Variants in ANKRD17 observed in about 807,000 individuals in gnomAD.
ANKRD17 encodes ankyrin repeat domain-containing protein 17.
A neutral mutation model predicts 229.7 loss-of-function variants in ANKRD17; 19 were observed. That is an observed-to-expected ratio of 0.08 (90% CI 0.06 to 0.12). The LOEUF is 0.12. Ranked by LOEUF, ANKRD17 falls within the 10% of genes least tolerant of loss-of-function variation. The pLI, the probability that ANKRD17 is intolerant of heterozygous loss-of-function variation, is 1.00. For synonymous variants in ANKRD17, 1,112 were observed against 1,146.1 expected (o/e 0.97, Z 0.60); for missense variants, 2,176 against 3,176.8 (o/e 0.68, Z 7.57).
intron 1 of ANKRD17, among the ~76,000 whole-genome samples, chr4:73,237,811 C>G (rs747755135): frequency 1.3e-5 from 2 of 152,096 alleles, no homozygotes; most frequent in Non-Finnish European, 1.5e-5. Flanking sequence ...TCTTTATTAA[C>G]AGTATGATAA....
Position 73,090,727 on chromosome 4 carries a change from C to T in ANKRD17, c.6901G>A (p.Asp2301Asn), listed in dbSNP as rs757265063. Residue 2301 changes from aspartate (D) to asparagine (N), a missense_variant, in exon 29 of 34, where the codon GAT becomes AAT. Asp to Asn is a conservative substitution (Grantham distance 23). This residue lies in a region of ANKRD17 where 424 missense variants were observed against 454.0 expected (regional missense o/e 0.93). Coordinates refer to ENST00000358602, the MANE Select transcript of ANKRD17 (RefSeq NM_032217.5). The stretch of plus-strand genomic sequence containing the variant: ...CTAAAACCTGGAGCTTTGGAAGTAT[C>T]AGACTGATGTAAAGGATCTGAATTT... ...LPNSDPLHQSDTSKAPGFRPP... is the reference protein window; with the variant it reads ...LPNSDPLHQSNTSKAPGFRPP... 1 of 1,614,156 alleles carries T rather than the reference C, an allele frequency of 6.2e-7. No individual in the cohort carries two copies. Among genetic ancestry groups the T allele is most frequent in the Non-Finnish European group, 8.5e-7 (1 of 1,180,030 alleles).
At chr4:73,154,183 A>G (rs966970504) in intron 5 of ANKRD17, 70 bp from the exon 6 acceptor site, 15 of 1,049,976 alleles carry the variant, frequency 1.4e-5, no homozygotes, top group Non-Finnish European at 2.0e-5. Flanking sequence ...GCTAATTTAC[A>G]TTAAGAAAAT....
chr4:73,258,585 G>T lies in ANKRD17; in HGVS notation c.84C>A (p.Gly28=). 1 of 1,461,626 alleles carries T rather than the reference G, an allele frequency of 6.8e-7. No homozygotes were observed. The highest frequency in any genetic ancestry group is 8.9e-7 in the Non-Finnish European group (1 of 1,118,150). The allele number at this position is 1,461,626 out of a possible 1,614,324, so 90.5% of individuals were successfully genotyped here. A position where few individuals can be genotyped will look rare whatever the true frequency, so the allele number is the denominator to read the frequency against. Reference sequence around the variant, plus strand: ...CGCCGACCTCCGCCGCCGCGGGGGGGCCCGCCACAGCCGCCACCGCCGGGG... The same window carrying T: ...CGCCGACCTCCGCCGCCGCGGGGGGTCCCGCCACAGCCGCCACCGCCGGGG... ...GSPPAVAAVA[G]PPAAAEVGGG... The change falls in exon 1 of 34, where the codon GGC becomes GGA. Residue 28 remains glycine, a synonymous_variant. Coordinates refer to ENST00000358602, the MANE Select transcript of ANKRD17 (RefSeq NM_032217.5).
Position 73,142,262 on chromosome 4 carries a change from G to C in ANKRD17, c.2209C>G (p.Pro737Ala), listed in dbSNP as rs772699915. 5.2e-6 allele frequency: 8 copies of C among 1,550,724 alleles called. No individual in the cohort carries two copies. Among genetic ancestry groups the C allele is most frequent in the Non-Finnish European group, 6.9e-6 (8 of 1,160,680 alleles). Residue 737 changes from proline (P) to alanine (A), a missense_variant, in exon 13 of 34, where the codon CCA (proline) becomes GCA (alanine). By Grantham distance (27) the Pro-to-Ala change is conservative (BLOSUM62 -1). Coordinates refer to ENST00000358602, the MANE Select transcript of ANKRD17 (RefSeq NM_032217.5). ...PPPDVTQLTP[P>A]SHDLNRAPRV... The stretch of plus-strand genomic sequence containing the variant: ...CTTACCCTATTTAAATCGTGGGATG[G>C]GGGAGTTAACTGAGTGACATCTGGT...
At chr4:73,258,164 C>A in intron 1 of ANKRD17, 112 bp downstream of exon 1, 1 of 1,546,414 alleles carries the variant, frequency 6.5e-7, no homozygotes, top group South Asian at 1.2e-5. Context: ...GAAAGCCTGG[C>A]CCCTAAGAGA....
Position 73,121,067 on chromosome 4 carries a change from A to G in ANKRD17, c.3663T>C (p.Pro1221=), listed in dbSNP as rs772433721. The change falls in exon 20 of 34, where the codon CCT becomes CCC. Residue 1221 remains proline (P), a synonymous_variant. Transcript: ENST00000358602. The part of the protein sequence containing the change: ...SRTGSKLGIS[P]LMLAAMNGHT... ...GCCCATTCATAGCTGCTAACATCAG[A>G]GGAGAGATGCCCAATTTGCTACCAG... The G allele has an allele frequency of 6.2e-7, 1 of 1,613,890 alleles. No homozygotes were observed.
At chr4:73,250,524 C>T (rs1453006013) in intron 1 of ANKRD17, among the ~76,000 whole-genome samples, 2 of 124,296 alleles carry the variant, frequency 1.6e-5, no homozygotes, top group South Asian at 2.7e-4. Flanking sequence ...TGCTTGAACC[C>T]GGGAGGTGGA....
chr4:73,204,737 A>G (rs561548518), intron 1 of ANKRD17, among the ~76,000 whole-genome samples: 1 of 152,290 alleles, frequency 6.6e-6, no homozygotes, highest in East Asian at 1.9e-4. Context: ...GAGACATAAG[A>G]GAAGGAATGA....
chr4:73,146,053 G>A (rs111973963), intron 10 of ANKRD17, among the ~76,000 whole-genome samples: 134 of 151,904 alleles, frequency 8.8e-4, no homozygotes, highest in African/African-American at 3.0e-3. Context: ...CTTTTACCCC[G>A]CAGGCTAGAC....
chr4:73,147,419 A>C lies in ANKRD17; in HGVS notation c.1581T>G (p.Asn527Lys). 6.4e-7 allele frequency: 1 copy of C among 1,555,598 alleles called. No homozygotes were observed. Among genetic ancestry groups the C allele is most frequent in the Non-Finnish European group, 8.7e-7 (1 of 1,155,034 alleles). Residue 527 changes from asparagine to lysine, a missense_variant, in exon 9 of 34, where the codon AAT becomes AAG. Coordinates refer to ENST00000358602, the MANE Select transcript of ANKRD17 (RefSeq NM_032217.5). ...ALLLGQGANI[N>K]AQTEETQETA... Reference sequence around the variant, plus strand: ...TTTCTTGAGTTTCTTCTGTCTGTGCATTGATATTTGCTCCTAAAATAAAGA... The same window carrying C: ...TTTCTTGAGTTTCTTCTGTCTGTGCCTTGATATTTGCTCCTAAAATAAAGA...
intron 30 of ANKRD17, among the ~76,000 whole-genome samples, chr4:73,080,032 G>A (rs981779418): frequency 5.3e-5 from 8 of 152,118 alleles, no homozygotes; most frequent in Non-Finnish European, 1.2e-4. Context: ...CTTGAACCCG[G>A]GAGGCGGAGG....
chr4:73,233,155 A>G lies in ANKRD17; in HGVS notation c.393+25121T>C, dbSNP rs183214779. ...ATCAAAATGGCAAAATACATGTTAC[A>G]TCATTAATAGACTTCTAGCACAGTT... On this transcript the variant is annotated intron_variant, in intron 1 of 33. Transcript: ENST00000358602. Among the ~76,000 whole-genome samples the G allele has an allele frequency of 2.0e-4, 31 of 152,302 alleles. No homozygotes were observed. The East Asian group carries it at 5.6e-3, about 27-fold the overall frequency.
intron 1 of ANKRD17, among the ~76,000 whole-genome samples, chr4:73,180,281 G>A (rs987757181): frequency 6.6e-6 from 1 of 151,922 alleles, no homozygotes; most frequent in Admixed American, 6.6e-5. Flanking sequence ...AAGGAACATG[G>A]ACTGGCAAGT....
At chr4:73,221,616 T>C (rs1741864792) in intron 1 of ANKRD17, among the ~76,000 whole-genome samples, 1 of 152,200 alleles carries the variant, frequency 6.6e-6, no homozygotes, top group Admixed American at 6.5e-5. Context: ...ATGTGGCCAC[T>C]TGTAATTACT....
At chr4:73,080,161 G>T (rs1012541240) in intron 30 of ANKRD17, among the ~76,000 whole-genome samples, 3 of 152,012 alleles carry the variant, frequency 2.0e-5, no homozygotes, top group Non-Finnish European at 4.4e-5. Context: ...AACTAAAATG[G>T]TATAAATAAT....
chr4:73,074,614 C>T lies in ANKRD17; in HGVS notation c.*1617G>A, dbSNP rs1720892865. The T allele has an allele frequency of 1.3e-5, 2 of 151,800 alleles. No individual in the cohort carries two copies. Among genetic ancestry groups the T allele is most frequent in the Non-Finnish European group, 2.9e-5 (2 of 67,810 alleles). The allele number at this position is 151,800 out of a possible 1,614,324, so 9.4% of individuals were successfully genotyped here. On this transcript the variant is annotated 3_prime_UTR_variant, in exon 34 of 34. Coordinates refer to ENST00000358602, the MANE Select transcript of ANKRD17 (RefSeq NM_032217.5). ...TGAGAAGTCATCTTTTTACTCTTTACTCAGGCTTTACTCTTTACTCAGATG... is the reference window on the plus strand; with the variant it reads ...TGAGAAGTCATCTTTTTACTCTTTATTCAGGCTTTACTCTTTACTCAGATG...
At chr4:73,176,484 A>C (rs1734752828) in intron 2 of ANKRD17, among the ~76,000 whole-genome samples, 1 of 152,138 alleles carries the variant, frequency 6.6e-6, no homozygotes. Flanking sequence ...AGTATATTGA[A>C]GAGGTATCTG....
rs111961579 is a variant in ANKRD17, at chr4:73,240,806, CTTTTTTTT to C, written c.393+17462_393+17469del. Among the ~76,000 whole-genome samples the C allele has an allele frequency of 2.2e-3, 280 of 127,036 alleles. 1 individual carries two copies. Among genetic ancestry groups the C allele is most frequent in the African/African-American group, 8.2e-3 (268 of 32,658 alleles). The allele number at this position is 127,036 out of a possible 152,430, so 83.3% of individuals were successfully genotyped here. On this transcript the variant is annotated intron_variant, in intron 1 of 33. Coordinates refer to ENST00000358602, the MANE Select transcript of ANKRD17 (RefSeq NM_032217.5). The stretch of plus-strand genomic sequence containing the variant: ...AGCTTATATAAATTCAGTACTTATT[CTTTTTTTT>C]TTTTTTTTTTTTGGAGATGAGTCTT...
chr4:73,121,816 G>T (rs1726771070), intron 18 of ANKRD17, 57 bp from the exon 19 acceptor site: 8 of 1,501,430 alleles, frequency 5.3e-6, no homozygotes, highest in Non-Finnish European at 7.1e-6. Flanking sequence ...TTACCAAAGT[G>T]TGTATTTTTA....
Sources: gnomAD v4.1 joint callset for allele counts (sites outside exome capture counted in the v4.1 genomes callset) on GRCh38, gnomAD v4.1.1 for gene constraint, gnomAD v4.1.1 regional missense constraint, MANE v1.5 for transcripts, NCBI Gene and HGNC (gene_info 2026-07-23, HGNC 2026-07-21) for gene names.